SPOCK3: variants seen among roughly 807,000 people sequenced by gnomAD.
The protein encoded by SPOCK3 is testican-3.
A neutral mutation model predicts 56.6 loss-of-function variants in SPOCK3; 30 were observed. That is an observed-to-expected ratio of 0.53 (90% CI 0.40 to 0.72). The LOEUF is 0.72. Ranked by LOEUF, SPOCK3 falls within the 30% of genes least tolerant of loss-of-function variation. SPOCK3 has a pLI of 0.00. For missense variants in SPOCK3, 527 were observed against 530.0 expected, an observed-to-expected ratio of 0.99 and a Z score of 0.06; for synonymous variants, 196 against 183.3, an observed-to-expected ratio of 1.07 and a Z score of -0.56.
intron 4 of SPOCK3, among the ~76,000 whole-genome samples, chr4:166,965,187 C>G (rs1337368435): frequency 6.6e-6 from 1 of 151,878 alleles, no homozygotes; most frequent in Admixed American, 6.6e-5. Context: ...ATGCAGACTA[C>G]TTAGAGTCAA....
chr4:167,132,571 G>A (rs557929987), intron 2 of SPOCK3, among the ~76,000 whole-genome samples: 11 of 152,212 alleles, frequency 7.2e-5, no homozygotes, highest in African/African-American at 2.2e-4. Context: ...AGACTATATT[G>A]CTTTCATTTG....
At chr4:166,743,248 T>C (rs1735096846) in intron 8 of SPOCK3, among the ~76,000 whole-genome samples, 1 of 152,050 alleles carries the variant, frequency 6.6e-6, no homozygotes, top group African/African-American at 2.4e-5. Flanking sequence ...ATATACTATA[T>C]CTTATTGTCC....
intron 5 of SPOCK3, among the ~76,000 whole-genome samples, chr4:166,904,578 A>G (rs753132255): frequency 1.4e-4 from 21 of 152,194 alleles, no homozygotes; most frequent in Non-Finnish European, 1.9e-4. Flanking sequence ...CATATGAATA[A>G]CATTATATTA....
At chr4:167,110,502 A>G (rs1760806916) in intron 2 of SPOCK3, among the ~76,000 whole-genome samples, 1 of 152,082 alleles carries the variant, frequency 6.6e-6, no homozygotes, top group South Asian at 2.1e-4. Flanking sequence ...TATGAAATCC[A>G]GTGTCAGGGG....
intron 5 of SPOCK3, among the ~76,000 whole-genome samples, chr4:166,894,438 G>C (rs765473233): frequency 6.6e-6 from 1 of 152,042 alleles, no homozygotes; most frequent in Non-Finnish European, 1.5e-5. Context: ...ACAGAGTCCT[G>C]AGAATATTAA....
intron 2 of SPOCK3, among the ~76,000 whole-genome samples, chr4:167,087,363 T>C (rs981278632): frequency 6.2e-5 from 9 of 145,816 alleles, no homozygotes; most frequent in African/African-American, 1.8e-4. Context: ...ATGTAGAATT[T>C]CAAAACATGT....
chr4:167,205,558 A>T (rs535525806), intron 2 of SPOCK3, among the ~76,000 whole-genome samples: 4,113 of 55,666 alleles, frequency 0.074, 427 homozygotes, highest in African/African-American at 0.26. Context: ...ATAATATATA[A>T]TATATATTAT....
At chr4:167,174,605 G>A (rs1237499083) in intron 2 of SPOCK3, among the ~76,000 whole-genome samples, 1 of 152,094 alleles carries the variant, frequency 6.6e-6, no homozygotes, top group African/African-American at 2.4e-5. Context: ...TTGGAATCAA[G>A]AGATGAGCCT....
At chr4:167,215,733 T>C (rs1021203768) in intron 2 of SPOCK3, among the ~76,000 whole-genome samples, 3 of 152,154 alleles carry the variant, frequency 2.0e-5, no homozygotes, top group Admixed American at 2.0e-4. Flanking sequence ...GATGTTTGAA[T>C]AGAAAGCTTC....
intron 2 of SPOCK3, among the ~76,000 whole-genome samples, chr4:167,175,942 C>A (rs1162749052): frequency 1.3e-5 from 2 of 152,178 alleles, no homozygotes; most frequent in Non-Finnish European, 2.9e-5. Context: ...ATGATTTAAC[C>A]CATGCAAATT....
chr4:166,880,124 T>C (rs9996973), intron 6 of SPOCK3, among the ~76,000 whole-genome samples: 11,764 of 152,248 alleles, frequency 0.077, 541 homozygotes, highest in Non-Finnish European at 0.1. Context: ...ATACCTACTA[T>C]ATATGCCAAG....
intron 7 of SPOCK3, among the ~76,000 whole-genome samples, chr4:166,778,434 ATGAC>A (rs1386262253): frequency 2.0e-5 from 3 of 152,180 alleles, no homozygotes; most frequent in Non-Finnish European, 2.9e-5. Flanking sequence ...CCTATTCTGA[ATGAC>A]TGAATTGTCC....
chr4:167,230,354 G>C (rs1312456618), intron 2 of SPOCK3, among the ~76,000 whole-genome samples: 1 of 151,760 alleles, frequency 6.6e-6, no homozygotes, highest in East Asian at 1.9e-4. Context: ...TAACGATGCT[G>C]ATTTCCAATT....
At chr4:167,202,551 TTAAA>T (rs1371747148) in intron 2 of SPOCK3, among the ~76,000 whole-genome samples, 1 of 151,994 alleles carries the variant, frequency 6.6e-6, no homozygotes, top group South Asian at 2.1e-4. Context: ...CACAACCACT[TTAAA>T]TAACCCAATT....
intron 4 of SPOCK3, among the ~76,000 whole-genome samples, chr4:166,966,256 C>G (rs1409389975): frequency 6.7e-6 from 1 of 150,244 alleles, no homozygotes; most frequent in Non-Finnish European, 1.5e-5. Flanking sequence ...TTTTTTTTCC[C>G]GTCAAGTGTT....
At chr4:167,206,251 G>C (rs1166354575) in intron 2 of SPOCK3, among the ~76,000 whole-genome samples, 3 of 152,026 alleles carry the variant, frequency 2.0e-5, no homozygotes, top group Non-Finnish European at 2.9e-5. Context: ...TTGAACCCGG[G>C]AGTCGGGGGT....
At chr4:166,804,359 G>C (rs1321270047) in intron 6 of SPOCK3, among the ~76,000 whole-genome samples, 2 of 152,084 alleles carry the variant, frequency 1.3e-5, no homozygotes, top group Non-Finnish European at 2.9e-5. Context: ...GATTGGATTA[G>C]GACCCACCCA....
At chr4:167,207,107 A>T (rs1338060607) in intron 2 of SPOCK3, among the ~76,000 whole-genome samples, 1 of 152,124 alleles carries the variant, frequency 6.6e-6, no homozygotes, top group Non-Finnish European at 1.5e-5. Flanking sequence ...ATTAAATTAA[A>T]TTTTATAAAA....
chr4:167,071,529 T>A (rs1384488272), intron 2 of SPOCK3, among the ~76,000 whole-genome samples: 1 of 151,988 alleles, frequency 6.6e-6, no homozygotes, highest in South Asian at 2.1e-4. Context: ...CTGAGAATGA[T>A]GGTTTCCAGT....
Sources: allele counts gnomAD v4.1 joint callset (sites outside exome capture counted in the v4.1 genomes callset), GRCh38; gene constraint gnomAD v4.1.1; transcripts MANE v1.5; gene names NCBI Gene and HGNC (gene_info 2026-07-23, HGNC 2026-07-21).